STARD13: variants seen among roughly 807,000 people sequenced by gnomAD.
STARD13 encodes the protein StAR related lipid transfer domain containing 13, also known as stAR-related lipid transfer protein 13.
A neutral mutation model predicts 106.4 loss-of-function variants in STARD13; 62 were observed. The ratio of observed to expected loss-of-function variants is 0.58; its 90% CI spans 0.48 to 0.72. STARD13 has a LOEUF of 0.72. STARD13 is among the 30% of genes least tolerant of loss of function. The pLI, the probability that STARD13 is intolerant of heterozygous loss-of-function variation, is 0.00. For missense variants in STARD13, 1,387 were observed against 1,424.0 expected (o/e 0.97, Z 0.42); for synonymous variants, 565 against 553.0 (o/e 1.02, Z -0.31).
At position 33,214,641 on chromosome 13, in the gene STARD13, CT is replaced by C. The variant is rs1887918450; in HGVS notation, c.170-47020del. 4.0e-5 allele frequency among the ~76,000 whole-genome samples: 6 copies of C among 151,894 alleles called. No individual in the cohort carries two copies. The South Asian group carries it at 1.2e-3, about 32-fold the overall frequency. On this transcript the variant is annotated intron_variant, in intron 1 of 13. Transcript: ENST00000336934. The stretch of plus-strand genomic sequence containing the variant: ...TAGCTTTTAATAAATCCCAGATTTT[CT>C]TTTCCATCACCTTACACACAAACAC...
At chr13:33,489,150 T>G in the STARD13 span, among the ~76,000 whole-genome samples, 1 of 152,210 alleles carries the variant, frequency 6.6e-6, no homozygotes, top group Non-Finnish European at 1.5e-5. Context: ...ATAAACTAGT[T>G]CATACCAGCA....
the STARD13 span, among the ~76,000 whole-genome samples, chr13:33,660,123 C>T: frequency 6.6e-6 from 1 of 152,142 alleles, no homozygotes; most frequent in Non-Finnish European, 1.5e-5. Flanking sequence ...ACGCTCTGCT[C>T]ACGAGGGCCT....
intron 8 of STARD13, chr13:33,117,734 A>G (rs1242471448): frequency 2.2e-6 from 2 of 904,126 alleles, no homozygotes; most frequent in Non-Finnish European, 2.6e-6. Flanking sequence ...GTTTTAATAA[A>G]TACCTATATA....
At chr13:33,168,386 C>T (rs181310288) in intron 1 of STARD13, among the ~76,000 whole-genome samples, 17 of 152,204 alleles carry the variant, frequency 1.1e-4, no homozygotes, top group Admixed American at 2.6e-4. Context: ...AACAGCCCAC[C>T]GGACCACCTG....
At chr13:33,421,570 A>G in the STARD13 span, among the ~76,000 whole-genome samples, 2 of 152,240 alleles carry the variant, frequency 1.3e-5, no homozygotes, top group East Asian at 3.8e-4. Context: ...ATAGAAAAAG[A>G]GGGAATCCTC....
chr13:33,146,783 T>C (rs617875), intron 3 of STARD13, among the ~76,000 whole-genome samples: 70,677 of 152,002 alleles, frequency 0.46, 16,643 homozygotes, highest in East Asian at 0.58. Context: ...AAGTGTCTAT[T>C]TAAGAAAAAT....
At chr13:33,290,163 C>T (rs1892238375), upstream of STARD13, among the ~76,000 whole-genome samples, 1 of 152,164 alleles carries the variant, frequency 6.6e-6, no homozygotes, top group Admixed American at 6.5e-5. Context: ...AGGAATGGCT[C>T]ACTGTCTGCT....
At chr13:33,353,486 C>T (rs1338875492), upstream of STARD13, among the ~76,000 whole-genome samples, 1 of 152,196 alleles carries the variant, frequency 6.6e-6, no homozygotes, top group African/African-American at 2.4e-5. Flanking sequence ...GATGGCCTCA[C>T]ATGGTCCTTC....
the STARD13 span, among the ~76,000 whole-genome samples, chr13:33,536,159 T>G: frequency 6.6e-6 from 1 of 152,102 alleles, no homozygotes; most frequent in South Asian, 2.1e-4. Flanking sequence ...GACTCAAAGG[T>G]GGAAAATAAA....
chr13:33,400,774 G>T, the STARD13 span, among the ~76,000 whole-genome samples: 2 of 152,112 alleles, frequency 1.3e-5, no homozygotes, highest in African/African-American at 4.8e-5. Flanking sequence ...GTCTTCAATG[G>T]CTATTCTTGA....
At chr13:33,571,279 T>C in the STARD13 span, among the ~76,000 whole-genome samples, 2 of 152,176 alleles carry the variant, frequency 1.3e-5, no homozygotes, top group African/African-American at 4.8e-5. Flanking sequence ...TTGTGCCCTA[T>C]CACAATTATC....
At chr13:33,205,049 G>A (rs1225071139) in intron 1 of STARD13, among the ~76,000 whole-genome samples, 1 of 152,176 alleles carries the variant, frequency 6.6e-6, no homozygotes, top group African/African-American at 2.4e-5. Context: ...CTCAATCACT[G>A]CTTTAGATCC....
At chr13:33,242,620 G>C (rs1018431831) in intron 1 of STARD13, among the ~76,000 whole-genome samples, 3 of 152,168 alleles carry the variant, frequency 2.0e-5, no homozygotes, top group South Asian at 2.1e-4. Context: ...TGCGGAAGGC[G>C]GCAGGGCCCT....
At chr13:33,589,643 A>C in the STARD13 span, among the ~76,000 whole-genome samples, 3 of 152,130 alleles carry the variant, frequency 2.0e-5, no homozygotes, top group Non-Finnish European at 4.4e-5. Flanking sequence ...TTCTAGTTTG[A>C]TTGCACTGTG....
At chr13:33,516,194 T>C in the STARD13 span, among the ~76,000 whole-genome samples, 1 of 148,018 alleles carries the variant, frequency 6.8e-6, no homozygotes, top group African/African-American at 2.5e-5. Flanking sequence ...ATGAATTATA[T>C]ATATTTATGT....
At chr13:33,491,507 A>C in the STARD13 span, among the ~76,000 whole-genome samples, 1 of 152,214 alleles carries the variant, frequency 6.6e-6, no homozygotes, top group African/African-American at 2.4e-5. Context: ...CTAAGAGTCT[A>C]TATGGTACAT....
intron 1 of STARD13, among the ~76,000 whole-genome samples, chr13:33,308,563 G>A (rs1197047936): frequency 2.0e-4 from 18 of 89,600 alleles, no homozygotes; most frequent in Non-Finnish European, 3.6e-4. Flanking sequence ...CGCTCTTATC[G>A]CCCAGGCTGG....
the STARD13 span, among the ~76,000 whole-genome samples, chr13:33,581,277 A>G: frequency 2.6e-5 from 4 of 152,166 alleles, no homozygotes; most frequent in Non-Finnish European, 5.9e-5. Context: ...TTCCCACCAT[A>G]CATACATTCC....
At chr13:33,638,228 T>G in the STARD13 span, among the ~76,000 whole-genome samples, 4 of 152,206 alleles carry the variant, frequency 2.6e-5, no homozygotes, top group African/African-American at 7.2e-5. Context: ...GTAGTTGGGC[T>G]ACAGCTCGGT....
Sources: gnomAD v4.1 joint callset for allele counts (sites outside exome capture counted in the v4.1 genomes callset) on GRCh38, gnomAD v4.1.1 for gene constraint, MANE v1.5 for transcripts, NCBI Gene and HGNC (gene_info 2026-07-23, HGNC 2026-07-21) for gene names.